Variants in KIAA1210 observed in about 807,000 individuals in gnomAD.
KIAA1210 encodes KIAA1210, also known as acrosomal protein KIAA1210.
Under a neutral mutation model 78.9 loss-of-function variants are expected in KIAA1210, and 48 were observed. The observed-to-expected ratio is 0.61, with a 90% CI of 0.48 to 0.77. The LOEUF (loss-of-function observed/expected upper bound fraction) is 0.77. Among genes scored for constraint, KIAA1210 ranks in the 30% least tolerant of loss-of-function variants. The pLI is 0.00. For synonymous variants in KIAA1210, 406 were observed against 404.5 expected (o/e 1.00, Z -0.04); for missense variants, 1,108 against 1,100.0 (o/e 1.01, Z -0.10).
At chrX:119,141,287 A>G (rs961893455) in intron 2 of KIAA1210, among the ~76,000 whole-genome samples, 3 of 112,026 alleles carry the variant, frequency 2.7e-5, no homozygotes, top group African/African-American at 9.7e-5. Flanking sequence ...TTAGCTCATG[A>G]AGTTCACAGG....
intron 7 of KIAA1210, among the ~76,000 whole-genome samples, chrX:119,095,910 C>T (rs1458259068): frequency 2.7e-5 from 3 of 111,862 alleles, no homozygotes; most frequent in Non-Finnish European, 5.6e-5. Flanking sequence ...TTCTGTCATT[C>T]TGTCTGCTAC....
At chrX:119,136,994 A>G (rs1928928328) in intron 2 of KIAA1210, among the ~76,000 whole-genome samples, 1 of 112,183 alleles carries the variant, frequency 8.9e-6, no homozygotes, top group South Asian at 3.7e-4. Context: ...AAGTCAGAAC[A>G]TTATTTCCCA....
chrX:119,113,557 A>T (rs1928151107), intron 3 of KIAA1210, among the ~76,000 whole-genome samples: 1 of 111,741 alleles, frequency 8.9e-6, no homozygotes, highest in Non-Finnish European at 1.9e-5. Context: ...ATGGAGAATG[A>T]CTGCTACTGG....
At chrX:119,084,751 T>A in intron 10 of KIAA1210, among the ~76,000 whole-genome samples, 1 of 111,655 alleles carries the variant, frequency 9.0e-6, no homozygotes. Flanking sequence ...CCTATGGAAA[T>A]AAAAAATTAA....
Position 119,105,014 on chromosome X carries a change from T to C in KIAA1210, c.626A>G (p.His209Arg). The C allele has an allele frequency of 1.7e-6, 2 of 1,210,031 alleles. No homozygotes were observed. Among genetic ancestry groups the C allele is most frequent in the African/African-American group, 1.7e-5 (1 of 57,734 alleles). The stretch of plus-strand genomic sequence containing the variant: ...CACCTGAGTCGCTGTCAAACTCTTA[T>C]GTGGTAAAGCCTTCTTTTGTGGATT... ...PKNPQKKALP[H>R]KSLTATQSFS... The change falls in exon 6 of 12, where the codon CAT (histidine) becomes CGT (arginine). Residue 209 changes from histidine to arginine, a missense_variant. Coordinates refer to ENST00000691062, the MANE Select transcript of KIAA1210 (RefSeq NM_001394962.1).
chrX:119,082,800 A>G (rs1302677387), intron 11 of KIAA1210, among the ~76,000 whole-genome samples: 1 of 112,245 alleles, frequency 8.9e-6, no homozygotes, highest in Admixed American at 9.4e-5. Context: ...AAAAGACTGG[A>G]AGACCCTCTG....
chrX:119,139,317 G>C (rs1928993887), intron 2 of KIAA1210, among the ~76,000 whole-genome samples: 1 of 111,974 alleles, frequency 8.9e-6, no homozygotes, highest in Non-Finnish European at 1.9e-5. Context: ...GAAGCCATAA[G>C]AAATGGATGG....
At chrX:119,148,849 T>C (rs1929226275) in intron 1 of KIAA1210, among the ~76,000 whole-genome samples, 1 of 111,265 alleles carries the variant, frequency 9.0e-6, no homozygotes, top group Non-Finnish European at 1.9e-5. Flanking sequence ...CGATGAGAAA[T>C]GTATATATTT....
At chrX:119,114,955 A>G (rs1347350291) in intron 3 of KIAA1210, among the ~76,000 whole-genome samples, 1 of 112,564 alleles carries the variant, frequency 8.9e-6, no homozygotes, top group East Asian at 2.8e-4. Context: ...TTAAGAAATC[A>G]AATGAAGGAA....
At chrX:119,140,725 A>G (rs1460376409) in intron 2 of KIAA1210, among the ~76,000 whole-genome samples, 2 of 111,594 alleles carry the variant, frequency 1.8e-5, no homozygotes, top group African/African-American at 6.5e-5. Context: ...TTCTGGGGCC[A>G]CAAGGACAAA....
chrX:119,122,024 C>T (rs1458399525), intron 2 of KIAA1210, among the ~76,000 whole-genome samples: 3 of 105,997 alleles, frequency 2.8e-5, no homozygotes, highest in African/African-American at 1.0e-4. Flanking sequence ...GGCCTCCCAA[C>T]GTGCTGGGAT....
upstream of KIAA1210, among the ~76,000 whole-genome samples, chrX:119,131,118 G>C (rs1282980609): frequency 8.9e-6 from 1 of 112,130 alleles, no homozygotes; most frequent in Non-Finnish European, 1.9e-5. Flanking sequence ...ATGGAAAGCA[G>C]CTGGCCTCAT....
chrX:119,083,070 A>G lies in KIAA1210; in HGVS notation c.4371T>C (p.Ser1457=). The change falls in exon 11 of 12, where the codon AGT becomes AGC. Residue 1457 remains serine, a synonymous_variant. Transcript: ENST00000691062. ...GTGCTGTCTTCTCCTGTTTATGGAC[A>G]CTGGAAGTGAACATCTTTTTAGGTT... ...ENQPKKMFTS[S]VHKQEKTAQM... is the part of the protein sequence containing the mutation. 1.7e-6 allele frequency: 2 copies of G among 1,209,131 alleles called. No individual in the cohort carries two copies. The highest frequency in any genetic ancestry group is 5.9e-5 in the East Asian group (2 of 33,810).
chrX:119,090,460 C>T (rs1411830859), intron 8 of KIAA1210, among the ~76,000 whole-genome samples: 1 of 110,556 alleles, frequency 9.0e-6, no homozygotes, highest in African/African-American at 3.3e-5. Context: ...TTAGTAGAGA[C>T]GGGGTTTCCC....
At chrX:119,121,194 T>C (rs746490426) in intron 2 of KIAA1210, among the ~76,000 whole-genome samples, 2 of 111,824 alleles carry the variant, frequency 1.8e-5, no homozygotes, top group African/African-American at 6.5e-5. Flanking sequence ...GAAGCTTTCT[T>C]TTTTAAAGTG....
rs1603263788 is a variant in KIAA1210, at chrX:119,078,831, T to A, written c.*2498A>T. 1 of 111,739 alleles carries A rather than the reference T, an allele frequency of 8.9e-6. No homozygotes were observed. The highest frequency in any genetic ancestry group is 3.3e-5 in the African/African-American group (1 of 30,721). The allele number at this position is 111,739 out of a possible 1,213,427, so 9.2% of individuals were successfully genotyped here. A position where few individuals can be genotyped will look rare whatever the true frequency, so the allele number is the denominator to read the frequency against. On this transcript the variant is annotated 3_prime_UTR_variant, in exon 12 of 12. Transcript: ENST00000691062. ...AGAGTGAGAATAGCTGAATACAGGT[T>A]CACTGTGAAAAAAAGGAAGGGAGGT...
intron 2 of KIAA1210, among the ~76,000 whole-genome samples, chrX:119,118,471 G>T (rs1178794752): frequency 1.8e-5 from 2 of 112,351 alleles, no homozygotes; most frequent in Admixed American, 1.9e-4. Flanking sequence ...ACTTCAAAAT[G>T]GTTATGTATA....
At chrX:119,114,067 A>G (rs1251242526) in intron 3 of KIAA1210, among the ~76,000 whole-genome samples, 2 of 112,041 alleles carry the variant, frequency 1.8e-5, no homozygotes, top group African/African-American at 3.2e-5. Context: ...TGTACTTATT[A>G]TCTTTATTAC....
chrX:119,087,898 T>C lies in KIAA1210; in HGVS notation c.2804A>G (p.Glu935Gly). The C allele has an allele frequency of 6.6e-6, 8 of 1,211,923 alleles. No homozygotes were observed. Among genetic ancestry groups the C allele is most frequent in the Non-Finnish European group, 7.8e-6 (7 of 895,488 alleles). ...AAGCAGCTGCTCCTTAGAAATGTCC[T>C]CTTCAACAGTAGTGCTTTCTGGATG... ...SAHPESTTVEEDISKEQLLPR... is the reference protein window; with the variant it reads ...SAHPESTTVEGDISKEQLLPR... The change falls in exon 9 of 12, where the codon GAG (glutamate) becomes GGG (glycine). Residue 935 changes from glutamate (E) to glycine (G), a missense_variant. Around this residue, in one of 5 missense-constraint regions of KIAA1210, gnomAD observed 179 missense variants for 174.1 expected, o/e 1.03. Transcript: ENST00000691062.
Sources: allele counts gnomAD v4.1 joint callset (sites outside exome capture counted in the v4.1 genomes callset), GRCh38; gene constraint gnomAD v4.1.1; regional missense constraint gnomAD v4.1.1; transcripts MANE v1.5; gene names NCBI Gene and HGNC (gene_info 2026-07-23, HGNC 2026-07-21).